COBL: variants seen among roughly 807,000 people sequenced by gnomAD.
COBL encodes the protein cordon-bleu WH2 repeat protein.
A neutral mutation model predicts 98.8 loss-of-function variants in COBL; 51 were observed. The ratio of observed to expected loss-of-function variants is 0.52; its 90% CI spans 0.41 to 0.65. COBL has a LOEUF of 0.65. Among genes scored for constraint, COBL ranks in the 30% least tolerant of loss-of-function variants. The pLI is 0.00. For missense variants in COBL, 1,617 were observed against 1,617.5 expected (o/e 1.00, Z 0.01); for synonymous variants, 634 against 651.7 (o/e 0.97, Z 0.41).
intron 1 of COBL, among the ~76,000 whole-genome samples, chr7:51,232,672 G>T (rs966386431): frequency 6.6e-6 from 1 of 152,066 alleles, no homozygotes; most frequent in Non-Finnish European, 1.5e-5. Flanking sequence ...TCAGCTGGGC[G>T]TGGTGGCGGG....
intron 5 of COBL, among the ~76,000 whole-genome samples, chr7:51,143,241 G>A (rs1047093664): frequency 6.6e-6 from 1 of 152,112 alleles, no homozygotes; most frequent in South Asian, 2.1e-4. Flanking sequence ...CTTGCGGTCA[G>A]ATGCGAGATT....
intron 1 of COBL, among the ~76,000 whole-genome samples, chr7:51,255,755 G>A (rs1331135623): frequency 6.6e-6 from 1 of 152,198 alleles, no homozygotes; most frequent in Non-Finnish European, 1.5e-5. Flanking sequence ...ACTCAGTGGT[G>A]TCACCTCAGG....
intron 9 of COBL, 102 bp from the exon 10 acceptor site, chr7:51,029,693 A>T (rs1425948680): frequency 1.1e-6 from 1 of 924,922 alleles, no homozygotes; most frequent in Non-Finnish European, 1.6e-6. Context: ...TTTTGAATAC[A>T]TTATTTATAT....
chr7:51,198,991 T>C (rs572587514), intron 2 of COBL, among the ~76,000 whole-genome samples: 5 of 152,324 alleles, frequency 3.3e-5, no homozygotes, highest in Admixed American at 6.5e-5. Context: ...AAAGCATCCC[T>C]GTCCTCCTAT....
At chr7:51,079,227 C>T (rs545725145) in intron 7 of COBL, among the ~76,000 whole-genome samples, 10 of 152,242 alleles carry the variant, frequency 6.6e-5, no homozygotes, top group Admixed American at 3.9e-4. Flanking sequence ...CTGAAATCCA[C>T]GGAGATTTTC....
At chr7:51,239,978 G>A (rs1795624162) in intron 1 of COBL, among the ~76,000 whole-genome samples, 1 of 152,148 alleles carries the variant, frequency 6.6e-6, no homozygotes, top group African/African-American at 2.4e-5. Flanking sequence ...ATAAATGAAT[G>A]AACTTGGCTG....
At chr7:51,215,170 C>T (rs1792908346) in intron 2 of COBL, among the ~76,000 whole-genome samples, 1 of 152,150 alleles carries the variant, frequency 6.6e-6, no homozygotes, top group African/African-American at 2.4e-5. Flanking sequence ...TGGTATAACA[C>T]CAATGTCAAA....
At chr7:51,039,174 GC>G (rs1216448607) in intron 8 of COBL, among the ~76,000 whole-genome samples, 1 of 152,202 alleles carries the variant, frequency 6.6e-6, no homozygotes, top group Non-Finnish European at 1.5e-5. Flanking sequence ...GCTCTGCCAG[GC>G]TTTTGCTCAC....
intron 1 of COBL, among the ~76,000 whole-genome samples, chr7:51,232,808 C>T (rs550103361): frequency 6.6e-6 from 1 of 151,036 alleles, no homozygotes; most frequent in Non-Finnish European, 1.5e-5. Context: ...GAGACCCCAC[C>T]ACAAAAAAAA....
intron 7 of COBL, among the ~76,000 whole-genome samples, chr7:51,053,635 G>A (rs113353068): frequency 0.015 from 2,263 of 152,284 alleles, 38 homozygotes; most frequent in Non-Finnish European, 0.018. Flanking sequence ...GAAGATGTCC[G>A]GGTGTGCTGT....
At chr7:51,047,476 C>T (rs1439386470) in intron 7 of COBL, among the ~76,000 whole-genome samples, 1 of 152,204 alleles carries the variant, frequency 6.6e-6, no homozygotes, top group Non-Finnish European at 1.5e-5. Context: ...TTTTCTTTTA[C>T]AGAGTCAGCA....
intron 5 of COBL, among the ~76,000 whole-genome samples, chr7:51,146,668 G>A (rs1179989989): frequency 7.2e-6 from 1 of 137,976 alleles, no homozygotes; most frequent in Non-Finnish European, 1.6e-5. Context: ...GGGGGGAGGG[G>A]GGCAATAGCC....
At chr7:51,214,944 C>A (rs1792882746) in intron 2 of COBL, among the ~76,000 whole-genome samples, 1 of 152,144 alleles carries the variant, frequency 6.6e-6, no homozygotes, top group Non-Finnish European at 1.5e-5. Context: ...TGCTTCTCAG[C>A]CTAGCTTCAA....
rs550217348 is a variant in COBL at position 51,297,728 on chromosome 7, T to C, written c.41+18865A>G. On this transcript the variant is annotated intron_variant, in intron 1 of 12. Coordinates refer to ENST00000265136, the MANE Select transcript of COBL (RefSeq NM_015198.5). ...TTACATAAACAACAATACATACTTC[T>C]ATAAAGAAAACTACCACATGCAGCC... 2.0e-4 allele frequency among the ~76,000 whole-genome samples: 30 copies of C among 152,256 alleles called. No homozygotes were observed. The South Asian group carries it at 3.9e-3, about 20-fold the overall frequency.
intron 6 of COBL, among the ~76,000 whole-genome samples, chr7:51,091,140 G>A (rs1447659712): frequency 6.6e-6 from 1 of 152,130 alleles, no homozygotes; most frequent in East Asian, 1.9e-4. Flanking sequence ...CAAGGTACAT[G>A]AAGAAACAGG....
chr7:51,275,497 C>T (rs1185960501), intron 1 of COBL, among the ~76,000 whole-genome samples: 3 of 152,182 alleles, frequency 2.0e-5, no homozygotes, highest in Admixed American at 1.3e-4. Context: ...TCCACGGCCA[C>T]ATGTGGTCAC....
intron 1 of COBL, among the ~76,000 whole-genome samples, chr7:51,294,809 G>C (rs529703760): frequency 6.6e-6 from 1 of 151,826 alleles, no homozygotes; most frequent in East Asian, 1.9e-4. Flanking sequence ...CCTTGTACAT[G>C]GTCTATGCTC....
intron 1 of COBL, among the ~76,000 whole-genome samples, chr7:51,242,340 G>T (rs1234301869): frequency 2.0e-5 from 3 of 152,050 alleles, no homozygotes; most frequent in Non-Finnish European, 4.4e-5. Flanking sequence ...TGCTTGCTCG[G>T]GTGCACTCCA....
chr7:51,147,955 G>A (rs949965219), intron 5 of COBL, among the ~76,000 whole-genome samples: 1 of 151,708 alleles, frequency 6.6e-6, no homozygotes. Context: ...GTATAGACGG[G>A]GTTTTACCGT....
Sources: gnomAD v4.1 joint callset for allele counts (sites outside exome capture counted in the v4.1 genomes callset) on GRCh38, gnomAD v4.1.1 for gene constraint, MANE v1.5 for transcripts, NCBI Gene and HGNC (gene_info 2026-07-23, HGNC 2026-07-21) for gene names.